Variants in SKAP1 observed in about 807,000 individuals in gnomAD.
SKAP1 encodes src kinase associated phosphoprotein 1.
Under a neutral mutation model 58.5 loss-of-function variants are expected in SKAP1, and 44 were observed. The ratio of observed to expected loss-of-function variants is 0.75; its 90% CI spans 0.59 to 0.97. SKAP1 has a LOEUF of 0.97. Ranked by LOEUF, SKAP1 falls within the 50% of genes least tolerant of loss-of-function variation. SKAP1 has a pLI of 0.00. For synonymous variants in SKAP1, 127 were observed against 149.7 expected (o/e 0.85, Z 1.11); for missense variants, 390 against 435.2 (o/e 0.90, Z 0.92).
chr17:48,419,474 GGTTTCACCAT>G (rs1259489060), intron 1 of SKAP1, among the ~76,000 whole-genome samples: 1 of 152,064 alleles, frequency 6.6e-6, no homozygotes, highest in Non-Finnish European at 1.5e-5. Flanking sequence ...CTAGAGACGA[GGTTTCACCAT>G]GTTGGTCAGG....
chr17:48,302,154 C>T (rs1419314291), intron 4 of SKAP1, among the ~76,000 whole-genome samples: 1 of 152,158 alleles, frequency 6.6e-6, no homozygotes, highest in Non-Finnish European at 1.5e-5. Context: ...CTGACCCAAA[C>T]ATAAACCACT....
chr17:48,366,763 T>C (rs2067008422), intron 2 of SKAP1, among the ~76,000 whole-genome samples: 1 of 152,192 alleles, frequency 6.6e-6, no homozygotes, highest in Non-Finnish European at 1.5e-5. Flanking sequence ...CTTGAGGCAC[T>C]TCCCTAACCC....
intron 1 of SKAP1, among the ~76,000 whole-genome samples, chr17:48,428,948 A>T (rs2067882151): frequency 6.6e-6 from 1 of 152,228 alleles, no homozygotes; most frequent in Non-Finnish European, 1.5e-5. Context: ...TTTTACATAG[A>T]AGCAATCCAG....
At chr17:48,165,423 G>A (rs1381330707) in intron 10 of SKAP1, among the ~76,000 whole-genome samples, 21 of 139,322 alleles carry the variant, frequency 1.5e-4, no homozygotes, top group African/African-American at 4.6e-4. Context: ...TTTTTGAGGC[G>A]AAGTTTTGCT....
At chr17:48,273,211 T>C (rs1260107254) in intron 4 of SKAP1, among the ~76,000 whole-genome samples, 5 of 152,210 alleles carry the variant, frequency 3.3e-5, no homozygotes, top group Admixed American at 2.0e-4. Flanking sequence ...ACTCCTGCAA[T>C]TCCCAACATT....
chr17:48,182,909 T>G (rs1449247836), intron 7 of SKAP1, among the ~76,000 whole-genome samples: 3 of 152,156 alleles, frequency 2.0e-5, no homozygotes, highest in Non-Finnish European at 4.4e-5. Flanking sequence ...TTTGGCTGGA[T>G]TTTAAAGAAG....
rs1342952664 is a variant in SKAP1, at chr17:48,182,267, G to A, written c.631+127C>T. On this transcript the variant is annotated intron_variant, in intron 8 of 12. Transcript: ENST00000336915. ...TATTTGTTGTTGTAATATGGGGAAT[G>A]TGGTAGGAAAGGTAGAGGTGAGAAA... The A allele has an allele frequency of 7.4e-6, 5 of 672,176 alleles. No homozygotes were observed. In the East Asian group the frequency reaches 1.3e-4, roughly 18 times the overall value. 41.6% of individuals were successfully genotyped at this position (672,176 alleles called of 1,614,324 possible). A position where few individuals can be genotyped will look rare whatever the true frequency, so the allele number is the denominator to read the frequency against.
intron 4 of SKAP1, among the ~76,000 whole-genome samples, chr17:48,268,684 G>T (rs886429592): frequency 3.9e-5 from 6 of 151,914 alleles, no homozygotes; most frequent in Admixed American, 3.9e-4. Context: ...TAGAGACGGG[G>T]TCTCACCATG....
chr17:48,273,089 A>T (rs537080620), intron 4 of SKAP1, among the ~76,000 whole-genome samples: 1 of 152,314 alleles, frequency 6.6e-6, no homozygotes, highest in African/African-American at 2.4e-5. Flanking sequence ...GAGCTTCTCT[A>T]TGTAAAGATG....
intron 4 of SKAP1, among the ~76,000 whole-genome samples, chr17:48,207,583 T>A (rs994416498): frequency 2.0e-5 from 3 of 152,196 alleles, no homozygotes; most frequent in Non-Finnish European, 2.9e-5. Flanking sequence ...TGTATGTAAT[T>A]TTAAGACTCA....
chr17:48,149,871 C>A (rs1398008125), intron 11 of SKAP1, among the ~76,000 whole-genome samples: 2 of 152,148 alleles, frequency 1.3e-5, no homozygotes, highest in Non-Finnish European at 2.9e-5. Context: ...GGACAAACTT[C>A]TAGCTGTAGG....
intron 4 of SKAP1, among the ~76,000 whole-genome samples, chr17:48,213,013 C>T (rs2325885): frequency 0.27 from 41,327 of 151,914 alleles, 6,338 homozygotes; most frequent in African/African-American, 0.42. Context: ...AAATGGGGGG[C>T]TGAGTAGGAA....
intron 1 of SKAP1, among the ~76,000 whole-genome samples, chr17:48,402,322 T>C (rs2067508247): frequency 6.7e-6 from 1 of 149,792 alleles, no homozygotes; most frequent in South Asian, 2.1e-4. Flanking sequence ...TACACAAATA[T>C]TCATAGCAGC....
intron 4 of SKAP1, among the ~76,000 whole-genome samples, chr17:48,208,878 G>A (rs1475588029): frequency 6.6e-6 from 1 of 152,172 alleles, no homozygotes; most frequent in Non-Finnish European, 1.5e-5. Context: ...TGAGAGGCAA[G>A]TGTCTGGATG....
chr17:48,320,721 C>T (rs1204367806), intron 4 of SKAP1, among the ~76,000 whole-genome samples: 2 of 151,976 alleles, frequency 1.3e-5, no homozygotes, highest in African/African-American at 2.4e-5. Context: ...TGAGACCAGC[C>T]TGGGCAGCAC....
chr17:48,363,768 A>G, intron 3 of SKAP1, 21 bp downstream of exon 3: 1 of 1,596,174 alleles, frequency 6.3e-7, no homozygotes, highest in South Asian at 1.1e-5. Flanking sequence ...ATAAAACCAT[A>G]CGTGGTCAAA....
intron 1 of SKAP1, among the ~76,000 whole-genome samples, chr17:48,421,193 G>GT (rs1227808416): frequency 6.6e-6 from 1 of 151,052 alleles, no homozygotes; most frequent in Admixed American, 6.6e-5. Context: ...TCTCTACCAC[G>GT]TTTTTTTAAA....
chr17:48,238,978 A>G (rs560234979), intron 4 of SKAP1, among the ~76,000 whole-genome samples: 1 of 152,324 alleles, frequency 6.6e-6, no homozygotes, highest in Non-Finnish European at 1.5e-5. Context: ...AATGTTGACT[A>G]TGAAGATGTA....
chr17:48,374,619 G>T (rs2067130310), intron 2 of SKAP1, among the ~76,000 whole-genome samples: 1 of 152,214 alleles, frequency 6.6e-6, no homozygotes, highest in East Asian at 1.9e-4. Context: ...CCACATGGTA[G>T]AAGTTTATTT....
Sources: gnomAD v4.1 joint callset for allele counts (sites outside exome capture counted in the v4.1 genomes callset) on GRCh38, gnomAD v4.1.1 for gene constraint, MANE v1.5 for transcripts, NCBI Gene and HGNC (gene_info 2026-07-23, HGNC 2026-07-21) for gene names.